Variants in KAZN observed in about 807,000 individuals in gnomAD.
The protein encoded by KAZN is kazrin.
A neutral mutation model predicts 87.4 loss-of-function variants in KAZN; 40 were observed. The observed-to-expected ratio is 0.46, with a 90% CI of 0.36 to 0.60. The LOEUF is 0.60. Ranked by LOEUF, KAZN falls within the 20% of genes least tolerant of loss-of-function variation. The probability of loss-of-function intolerance (pLI) is 0.00; values close to 1 mark genes in which losing one functional copy is unlikely to be tolerated. For missense variants in KAZN, 898 were observed against 1,073.9 expected, an observed-to-expected ratio of 0.84 and a Z score of 2.29; for synonymous variants, 466 against 458.3, an observed-to-expected ratio of 1.02 and a Z score of -0.22.
At chr1:15,063,518 C>T in intron 6 of KAZN, 54 bp from the exon 7 acceptor site, 1 of 1,516,958 alleles carries the variant, frequency 6.6e-7, no homozygotes, top group South Asian at 1.1e-5. Context: ...CGCCTCTGCT[C>T]TCCTGTGTCA....
intron 1 of KAZN, among the ~76,000 whole-genome samples, chr1:14,031,832 A>G (rs1641340141): frequency 6.6e-6 from 1 of 152,214 alleles, no homozygotes; most frequent in Non-Finnish European, 1.5e-5. Context: ...CTTCCTGGAC[A>G]TTGTATGAAG....
chr1:14,248,952 A>C (rs951254048), intron 2 of KAZN, among the ~76,000 whole-genome samples: 5 of 152,186 alleles, frequency 3.3e-5, no homozygotes, highest in Admixed American at 3.3e-4. Context: ...AGTCACATGG[A>C]AAGGCCATGC....
chr1:14,027,080 C>T (rs1007448140), intron 1 of KAZN, among the ~76,000 whole-genome samples: 5 of 152,204 alleles, frequency 3.3e-5, no homozygotes, highest in Non-Finnish European at 7.3e-5. Context: ...CAAGAACCTG[C>T]TTCTCCTAAG....
At chr1:14,238,632 G>C (rs926406956) in intron 2 of KAZN, among the ~76,000 whole-genome samples, 1 of 152,256 alleles carries the variant, frequency 6.6e-6, no homozygotes, top group Non-Finnish European at 1.5e-5. Context: ...CCCATGAGAG[G>C]CCAGACATCT....
At chr1:14,172,299 G>A (rs1296299482) in intron 1 of KAZN, among the ~76,000 whole-genome samples, 1 of 152,236 alleles carries the variant, frequency 6.6e-6, no homozygotes, top group Non-Finnish European at 1.5e-5. Flanking sequence ...GGAGAAGAAT[G>A]TGCATACCAC....
At chr1:14,188,175 GGA>G (rs149202680) in intron 2 of KAZN, among the ~76,000 whole-genome samples, 10 of 142,388 alleles carry the variant, frequency 7.0e-5, no homozygotes, top group Non-Finnish European at 1.1e-4. Flanking sequence ...ATCTGGGGAT[GGA>G]GAGAGAGAGA....
upstream of KAZN, among the ~76,000 whole-genome samples, chr1:14,595,535 A>G (rs1676445897): frequency 6.6e-6 from 1 of 151,886 alleles, no homozygotes. Context: ...AAAAAAAATT[A>G]GAGGGGTGTG....
chr1:14,886,495 T>C (rs1229283953), intron 1 of KAZN, among the ~76,000 whole-genome samples: 1 of 150,780 alleles, frequency 6.6e-6, no homozygotes, highest in Non-Finnish European at 1.5e-5. Flanking sequence ...GACAGAGACA[T>C]ATAAACACGC....
intron 1 of KAZN, among the ~76,000 whole-genome samples, chr1:14,628,323 C>G (rs555474081): frequency 6.6e-6 from 1 of 152,294 alleles, no homozygotes; most frequent in African/African-American, 2.4e-5. Context: ...TATAAGCAGC[C>G]AGGACTTTTT....
At chr1:15,035,748 A>G (rs1672194197) in intron 3 of KAZN, among the ~76,000 whole-genome samples, 1 of 152,186 alleles carries the variant, frequency 6.6e-6, no homozygotes, top group African/African-American at 2.4e-5. Context: ...GCTGAGGCAC[A>G]GAATCACTGG....
rs560374693 is a variant in KAZN at position 14,914,917 on chromosome 1, G to A, written c.227-45767G>A. Among the ~76,000 whole-genome samples, 12 of 152,288 alleles carry A rather than the reference G, an allele frequency of 7.9e-5. No homozygotes were observed. In the East Asian group the frequency reaches 2.3e-3, roughly 29 times the overall value. On this transcript the variant is annotated intron_variant, in intron 1 of 14. Coordinates refer to ENST00000376030, the MANE Select transcript of KAZN (RefSeq NM_201628.3). ...GAAAATGAGCTAATATTGGCCAGGC[G>A]CGGTGGCTCACGCCTATAATCCCAG...
intron 1 of KAZN, among the ~76,000 whole-genome samples, chr1:13,958,726 C>A (rs1187996670): frequency 6.6e-6 from 1 of 151,978 alleles, no homozygotes; most frequent in Non-Finnish European, 1.5e-5. Flanking sequence ...TGACGAGGCC[C>A]TGTGGGCAGA....
At chr1:14,671,460 CATTCTTT>C (rs1639911170) in intron 1 of KAZN, among the ~76,000 whole-genome samples, 1 of 152,120 alleles carries the variant, frequency 6.6e-6, no homozygotes, top group Non-Finnish European at 1.5e-5. Flanking sequence ...TTTGTGTCAT[CATTCTTT>C]CACTCCCCCA....
intron 2 of KAZN, among the ~76,000 whole-genome samples, chr1:14,288,572 CTTCT>C (rs1204124561): frequency 6.6e-6 from 1 of 151,990 alleles, no homozygotes; most frequent in Non-Finnish European, 1.5e-5. Flanking sequence ...TCTCTCTTTT[CTTCT>C]TTATTAGTCT....
intron 2 of KAZN, among the ~76,000 whole-genome samples, chr1:14,473,027 G>A (rs1668536599): frequency 6.6e-6 from 1 of 152,034 alleles, no homozygotes; most frequent in African/African-American, 2.4e-5. Context: ...CCAAGTAGAT[G>A]GTAATGGAAT....
intron 1 of KAZN, among the ~76,000 whole-genome samples, chr1:13,970,288 T>G (rs1011497474): frequency 6.6e-6 from 1 of 152,264 alleles, no homozygotes; most frequent in East Asian, 1.9e-4. Flanking sequence ...TGACAAGGAC[T>G]GATAATAGCT....
chr1:14,249,583 C>G (rs1649822642), intron 2 of KAZN, among the ~76,000 whole-genome samples: 1 of 152,192 alleles, frequency 6.6e-6, no homozygotes. Flanking sequence ...AGGCACTCCC[C>G]AAGGGGAAGC....
intron 1 of KAZN, among the ~76,000 whole-genome samples, chr1:14,606,180 C>A (rs746905640): frequency 5.9e-5 from 9 of 152,224 alleles, no homozygotes; most frequent in Non-Finnish European, 8.8e-5. Context: ...GCCAGGAATG[C>A]AAACCCACTA....
chr1:14,373,698 G>T (rs996031457), intron 2 of KAZN, among the ~76,000 whole-genome samples: 1 of 152,184 alleles, frequency 6.6e-6, no homozygotes, highest in Non-Finnish European at 1.5e-5. Context: ...TAGGGAAAGG[G>T]ATGCATTCCA....
Sources: allele counts gnomAD v4.1 joint callset (sites outside exome capture counted in the v4.1 genomes callset), GRCh38; gene constraint gnomAD v4.1.1; transcripts MANE v1.5; gene names NCBI Gene and HGNC (gene_info 2026-07-23, HGNC 2026-07-21).